Variants in ZCCHC14 observed in about 807,000 individuals in gnomAD.
The protein encoded by ZCCHC14 is zinc finger CCHC domain-containing protein 14.
In ZCCHC14, 16 loss-of-function variants were observed where a neutral mutation model predicts 85.0. That is an observed-to-expected ratio of 0.19 (90% CI 0.13 to 0.29). The LOEUF is 0.29. ZCCHC14 is among the 10% of genes least tolerant of loss of function. The pLI, the probability that ZCCHC14 is intolerant of heterozygous loss-of-function variation, is 1.00. For missense variants in ZCCHC14, 1,303 were observed against 1,443.5 expected (o/e 0.90, Z 1.58); for synonymous variants, 775 against 630.7 (o/e 1.23, Z -3.43).
At chr16:87,477,954 C>T (rs1364852354) in intron 1 of ZCCHC14, among the ~76,000 whole-genome samples, 8 of 151,950 alleles carry the variant, frequency 5.3e-5, no homozygotes, top group Non-Finnish European at 1.2e-4. Context: ...CACGCCTCCA[C>T]ACATCGCTCC....
chr16:87,415,490 A>G, intron 8 of ZCCHC14, 123 bp from the exon 9 acceptor site: 1 of 795,834 alleles, frequency 1.3e-6, no homozygotes, highest in Non-Finnish European at 2.0e-6. Flanking sequence ...GATCCAGCTG[A>G]ACTCAGCAAT....
intron 3 of ZCCHC14, among the ~76,000 whole-genome samples, chr16:87,425,921 T>G (rs759643524): frequency 3.9e-5 from 6 of 152,266 alleles, no homozygotes; most frequent in Non-Finnish European, 8.8e-5. Flanking sequence ...AAACATGGTA[T>G]GGACAGATCA....
rs770379308 is a variant in ZCCHC14 at position 87,411,913 on chromosome 16, C to T, written c.2808G>A (p.Ser936=). ...TGGCGTAGCTGACAGTCAGGCCACT[C>T]GAGCCGCAGCTGCCGCTGCAGCCAC... is the stretch of plus-strand genomic sequence containing the variant. The part of the protein sequence containing the change: ...TSCGCSGSCG[S]SGLTVSYANY... Residue 936 remains serine (S), a synonymous_variant, in exon 12 of 13, where the codon TCG becomes TCA. Coordinates refer to ENST00000671377, the MANE Select transcript of ZCCHC14 (RefSeq NM_015144.3). 4.5e-5 allele frequency: 71 copies of T among 1,589,656 alleles called. No individual in the cohort carries two copies. The highest frequency in any genetic ancestry group is 5.4e-5 in the Non-Finnish European group (63 of 1,170,268).
intron 2 of ZCCHC14, among the ~76,000 whole-genome samples, chr16:87,458,161 G>C (rs1233808474): frequency 1.3e-5 from 2 of 152,110 alleles, no homozygotes; most frequent in Non-Finnish European, 2.9e-5. Context: ...GCACTGAAGG[G>C]TCCATCCCTT....
At chr16:87,424,284 C>CT (rs1358035297) in intron 3 of ZCCHC14, among the ~76,000 whole-genome samples, 2 of 152,294 alleles carry the variant, frequency 1.3e-5, no homozygotes, top group African/African-American at 4.8e-5. Flanking sequence ...CTTCGACCAC[C>CT]GGTAAGGGCC....
chr16:87,468,817 G>A (rs1335974860), intron 1 of ZCCHC14, among the ~76,000 whole-genome samples: 2 of 152,182 alleles, frequency 1.3e-5, no homozygotes, highest in African/African-American at 4.8e-5. Flanking sequence ...GACAGCTCCA[G>A]AGCAAGGAAG....
intron 2 of ZCCHC14, among the ~76,000 whole-genome samples, chr16:87,435,314 C>T (rs555887585): frequency 2.6e-5 from 4 of 152,212 alleles, no homozygotes; most frequent in Admixed American, 2.6e-4. Context: ...AAGAACCACG[C>T]TGAGGGTTCT....
chr16:87,420,658 G>A lies in ZCCHC14; in HGVS notation c.899C>T (p.Pro300Leu), dbSNP rs538756925. 4.7e-5 allele frequency: 76 copies of A among 1,613,882 alleles called. 1 individual carries two copies. The highest frequency in any genetic ancestry group is 3.8e-4 in the East Asian group (17 of 44,870). Residue 300 changes from proline (P) to leucine (L), a missense_variant, in exon 5 of 13, where the codon CCG becomes CTG. By Grantham distance (98) the Pro-to-Leu change is moderately conservative. Around this residue, in one of 7 missense-constraint regions of ZCCHC14, gnomAD observed 389 missense variants for 397.8 expected, o/e 0.98. Coordinates refer to ENST00000671377, the MANE Select transcript of ZCCHC14 (RefSeq NM_015144.3). The surrounding 1 kb of genome is among the most constrained non-coding windows in gnomAD (Gnocchi z 5.0). Reference protein sequence around the residue: ...LEKLIPCLAGPDAFYVERNHV... With the variant: ...LEKLIPCLAGLDAFYVERNHV... ...GTTTCGCTCCACATAAAATGCGTCCGGACCAGCTAAGCAAGGAATGAGTTT... is the reference window on the plus strand; with the variant it reads ...GTTTCGCTCCACATAAAATGCGTCCAGACCAGCTAAGCAAGGAATGAGTTT...
Position 87,411,692 on chromosome 16 carries a change from G to A in ZCCHC14, c.3029C>T (p.Pro1010Leu), listed in dbSNP as rs377147437. 5 of 1,613,980 alleles carry A rather than the reference G, an allele frequency of 3.1e-6. No homozygotes were observed. The highest frequency in any genetic ancestry group is 4.2e-6 in the Non-Finnish European group (5 of 1,180,002). The stretch of plus-strand genomic sequence containing the variant: ...CCCTGCCATGAAGTTCTGCATGGGT[G>A]GCACGGCAAACGTGGACTGCCCACT... ...VLSGQSTFAV[P>L]PMQNFMAGTA... The change falls in exon 12 of 13, where the codon CCA becomes CTA. Residue 1010 changes from proline to leucine, a missense_variant. Around this residue, in one of 7 missense-constraint regions of ZCCHC14, gnomAD observed 797 missense variants for 730.8 expected, o/e 1.09. Transcript: ENST00000671377.
intron 1 of ZCCHC14, among the ~76,000 whole-genome samples, chr16:87,479,839 C>T (rs1912185186): frequency 6.6e-6 from 1 of 152,222 alleles, no homozygotes; most frequent in Non-Finnish European, 1.5e-5. Flanking sequence ...GACGCATTCA[C>T]AACCTTGTAT....
intron 3 of ZCCHC14, among the ~76,000 whole-genome samples, chr16:87,430,064 T>C (rs923222410): frequency 3.9e-5 from 6 of 152,272 alleles, no homozygotes; most frequent in African/African-American, 1.4e-4. Flanking sequence ...CAAATCTTAA[T>C]ATATTCTAAT....
Position 87,491,330 on chromosome 16 carries a change from C to A in ZCCHC14, c.570+339G>T, listed in dbSNP as rs113635966. 5.0e-3 allele frequency among the ~76,000 whole-genome samples: 761 copies of A among 152,230 alleles called. 5 individuals carry two copies. Among genetic ancestry groups the A allele is most frequent in the African/African-American group, 0.017 (704 of 41,548 alleles). On this transcript the variant is annotated intron_variant, in intron 1 of 12. Transcript: ENST00000671377. This position sits in a 1 kb window ranked among gnomAD's most constrained non-coding sequence, Gnocchi z 5.9. ...AGGGTGTGGGCTCAGGGCCGCGGTG[C>A]GGTCTTGGGGCTTAAAGTGCAGACT...
intron 2 of ZCCHC14, among the ~76,000 whole-genome samples, chr16:87,447,945 G>A (rs1379576848): frequency 2.6e-5 from 4 of 152,080 alleles, no homozygotes; most frequent in Admixed American, 1.3e-4. Flanking sequence ...CTGATGACTG[G>A]CGACTTGAAT....
chr16:87,415,526 T>C (rs1908735699), intron 8 of ZCCHC14, among the ~76,000 whole-genome samples, 159 bp from the exon 9 acceptor site: 1 of 152,210 alleles, frequency 6.6e-6, no homozygotes, highest in Non-Finnish European at 1.5e-5. Flanking sequence ...CCTAGACCCT[T>C]TACTTGCTAA....
At chr16:87,453,574 C>T (rs1223334159) in intron 2 of ZCCHC14, among the ~76,000 whole-genome samples, 2 of 152,240 alleles carry the variant, frequency 1.3e-5, no homozygotes, top group African/African-American at 4.8e-5. Flanking sequence ...CTGCCCCAGC[C>T]ACGGTGGAGG....
chr16:87,477,178 C>T (rs1395282601), intron 1 of ZCCHC14, among the ~76,000 whole-genome samples: 1 of 121,278 alleles, frequency 8.2e-6, no homozygotes, highest in Non-Finnish European at 1.7e-5. Flanking sequence ...GTGGTGAAAA[C>T]ACCAGATGAC....
intron 1 of ZCCHC14, among the ~76,000 whole-genome samples, chr16:87,462,747 A>AG (rs1355481204): frequency 1.3e-5 from 2 of 150,192 alleles, no homozygotes; most frequent in African/African-American, 2.5e-5. Flanking sequence ...CAAAAAAAAA[A>AG]AAAAGAAAAA....
At chr16:87,416,100 A>G (rs1908770082) in intron 8 of ZCCHC14, among the ~76,000 whole-genome samples, 1 of 151,846 alleles carries the variant, frequency 6.6e-6, no homozygotes, top group Non-Finnish European at 1.5e-5. Flanking sequence ...TAATTTTTGT[A>G]TTTTTAGTAG....
intron 1 of ZCCHC14, among the ~76,000 whole-genome samples, chr16:87,475,060 A>G (rs944536199): frequency 6.6e-6 from 1 of 152,216 alleles, no homozygotes; most frequent in African/African-American, 2.4e-5. Context: ...ATTACTAGAC[A>G]TGGAAAGAAA....
Sources: gnomAD v4.1 joint callset for allele counts (sites outside exome capture counted in the v4.1 genomes callset) on GRCh38, gnomAD v4.1.1 for gene constraint, gnomAD v4.1.1 regional missense constraint, Gnocchi (gnomAD v3.1) non-coding constraint, MANE v1.5 for transcripts, NCBI Gene and HGNC (gene_info 2026-07-23, HGNC 2026-07-21) for gene names.